The following PIK3CB variants were observed in gnomAD, a reference collection of about 807,000 sequenced individuals.
PIK3CB encodes the protein phosphatidylinositol-4,5-bisphosphate 3-kinase catalytic subunit beta, also known as phosphatidylinositol 4,5-bisphosphate 3-kinase catalytic subunit beta isoform.
Under a neutral mutation model 136.8 loss-of-function variants are expected in PIK3CB, and 39 were observed. The ratio of observed to expected loss-of-function variants is 0.29; its 90% CI spans 0.22 to 0.37. The LOEUF (loss-of-function observed/expected upper bound fraction) is 0.37, where lower values mean the gene tolerates loss of function less well. Among genes scored for constraint, PIK3CB ranks in the 10% least tolerant of loss-of-function variants. The probability of loss-of-function intolerance (pLI) is 1.00; values close to 1 mark genes in which losing one functional copy is unlikely to be tolerated. For missense variants in PIK3CB, 868 were observed against 1,275.4 expected (o/e 0.68, Z 4.87); for synonymous variants, 428 against 436.6 (o/e 0.98, Z 0.25).
intron 4 of PIK3CB, among the ~76,000 whole-genome samples, chr3:138,753,789 G>A (rs2045515944): frequency 6.6e-6 from 1 of 152,136 alleles, no homozygotes; most frequent in Middle Eastern, 3.4e-3. Flanking sequence ...CTAGGTGACA[G>A]AAAGAGACCC....
At chr3:138,788,325 G>T (rs1369932331) in intron 2 of PIK3CB, among the ~76,000 whole-genome samples, 1 of 152,146 alleles carries the variant, frequency 6.6e-6, no homozygotes, top group Non-Finnish European at 1.5e-5. Flanking sequence ...ATTCTTTTAA[G>T]GAAATAAACT....
rs761633397 is a variant in PIK3CB, at chr3:138,694,953, T to C, written c.1771-46A>G. On this transcript the variant is annotated intron_variant, in intron 13 of 23. Coordinates refer to ENST00000674063, the MANE Select transcript of PIK3CB (RefSeq NM_006219.3). ...GTTCAGAAATAATGGGGGACAAAAG[T>C]AATCTAATTTTCCTTGACACACAGG... 2.6e-6 allele frequency: 4 copies of C among 1,556,664 alleles called. No homozygotes were observed. The Admixed American group carries it at 6.1e-5, about 24-fold the overall frequency.
intron 19 of PIK3CB, among the ~76,000 whole-genome samples, chr3:138,679,020 C>T (rs1290164086): frequency 1.3e-5 from 2 of 151,998 alleles, no homozygotes; most frequent in Non-Finnish European, 2.9e-5. Flanking sequence ...GAGCTGAGAT[C>T]CTGCCACTAC....
intron 3 of PIK3CB, among the ~76,000 whole-genome samples, 169 bp from the exon 4 acceptor site, chr3:138,756,148 G>T (rs1468406678): frequency 6.6e-6 from 1 of 151,962 alleles, no homozygotes; most frequent in Non-Finnish European, 1.5e-5. Flanking sequence ...ACAGAATGGT[G>T]AAAATAATAG....
intron 12 of PIK3CB, among the ~76,000 whole-genome samples, chr3:138,701,007 C>T (rs948762393): frequency 3.9e-5 from 6 of 152,086 alleles, no homozygotes; most frequent in African/African-American, 1.2e-4. Context: ...CAAGGGATAA[C>T]AGTTAACTTC....
chr3:138,823,792 A>G (rs970944489), intron 1 of PIK3CB, among the ~76,000 whole-genome samples: 1 of 152,242 alleles, frequency 6.6e-6, no homozygotes, highest in Non-Finnish European at 1.5e-5. Context: ...AAATCGGGTT[A>G]TAATTCTGAT....
At chr3:138,822,474 G>T (rs1409698800) in intron 1 of PIK3CB, among the ~76,000 whole-genome samples, 1 of 151,720 alleles carries the variant, frequency 6.6e-6, no homozygotes, top group Non-Finnish European at 1.5e-5. Flanking sequence ...TGGAACCTGG[G>T]AGGTTCAGCC....
chr3:138,757,623 GGA>G (rs1370996173), intron 3 of PIK3CB, among the ~76,000 whole-genome samples: 2 of 146,526 alleles, frequency 1.4e-5, no homozygotes, highest in African/African-American at 5.1e-5. Context: ...AGGGAGGGAG[GGA>G]GAGAGGGGAG....
At chr3:138,689,428 G>C (rs1413380827) in intron 15 of PIK3CB, among the ~76,000 whole-genome samples, 1 of 152,190 alleles carries the variant, frequency 6.6e-6, no homozygotes, top group Non-Finnish European at 1.5e-5. Context: ...CGAGTAGCTG[G>C]GATTATAGGC....
chr3:138,800,191 A>G (rs1038811478), intron 1 of PIK3CB, among the ~76,000 whole-genome samples: 1 of 152,206 alleles, frequency 6.6e-6, no homozygotes, highest in Non-Finnish European at 1.5e-5. Flanking sequence ...TCTCACAGTT[A>G]AGATAGCAAC....
intron 1 of PIK3CB, among the ~76,000 whole-genome samples, chr3:138,802,389 A>T (rs1413695738): frequency 6.6e-6 from 1 of 151,742 alleles, no homozygotes; most frequent in Non-Finnish European, 1.5e-5. Context: ...AAAAAAAGAA[A>T]GAAAGAAAGA....
intron 1 of PIK3CB, among the ~76,000 whole-genome samples, chr3:138,828,520 C>T (rs1261773111): frequency 1.3e-5 from 2 of 151,978 alleles, no homozygotes; most frequent in Non-Finnish European, 2.9e-5. Context: ...GTTCTGGTTC[C>T]TGAAAATACT....
intron 1 of PIK3CB, among the ~76,000 whole-genome samples, chr3:138,801,446 A>G (rs1379229198): frequency 6.6e-6 from 1 of 152,182 alleles, no homozygotes; most frequent in Non-Finnish European, 1.5e-5. Flanking sequence ...GAAAACAGTC[A>G]CAGGGCAGGT....
At chr3:138,817,949 C>T (rs1933405998) in intron 1 of PIK3CB, among the ~76,000 whole-genome samples, 1 of 151,960 alleles carries the variant, frequency 6.6e-6, no homozygotes, top group Non-Finnish European at 1.5e-5. Flanking sequence ...GAATGAGATC[C>T]CATCTCTAAT....
chr3:138,775,440 C>A (rs1022793122), intron 2 of PIK3CB, among the ~76,000 whole-genome samples: 2 of 152,104 alleles, frequency 1.3e-5, no homozygotes, highest in Admixed American at 1.3e-4. Context: ...GAGAGACTAG[C>A]GGAGGCATGT....
intron 20 of PIK3CB, among the ~76,000 whole-genome samples, chr3:138,664,356 G>A (rs1277561597): frequency 6.6e-6 from 1 of 152,082 alleles, no homozygotes; most frequent in East Asian, 1.9e-4. Flanking sequence ...GCTAGGGGTT[G>A]GGCACATTTT....
At position 138,785,693 on chromosome 3, in the gene PIK3CB, C is replaced by CAGGG. The variant is rs2045974799; in HGVS notation, c.-17+10766_-17+10769dup. On this transcript the variant is annotated intron_variant, in intron 2 of 23. Coordinates refer to ENST00000674063, the MANE Select transcript of PIK3CB (RefSeq NM_006219.3). Reference sequence around the variant, plus strand: ...CGCAAACGCTGCGGAAGGAAGCAGGCAGGGCCCTCTGCCTAGGAAAACCAG... The same window carrying CAGGG: ...CGCAAACGCTGCGGAAGGAAGCAGGCAGGGAGGGCCCTCTGCCTAGGAAAACCAG... Among the ~76,000 whole-genome samples the CAGGG allele has an allele frequency of 2.6e-5, 4 of 152,180 alleles. No homozygotes were observed. The South Asian group carries it at 8.3e-4, about 32-fold the overall frequency.
At chr3:138,770,077 T>C (rs2045781318) in intron 2 of PIK3CB, 1 of 152,224 alleles carries the variant, frequency 6.6e-6, no homozygotes, top group Non-Finnish European at 1.5e-5. Context: ...CTCAGTCTTG[T>C]ATCATTCTTC....
chr3:138,778,171 GA>G, intron 2 of PIK3CB: 1 of 451,372 alleles, frequency 2.2e-6, no homozygotes, highest in Non-Finnish European at 4.4e-6. Flanking sequence ...AGGAGAAACC[GA>G]AAGGGTCATC....
Sources: allele counts gnomAD v4.1 joint callset (sites outside exome capture counted in the v4.1 genomes callset), GRCh38; gene constraint gnomAD v4.1.1; transcripts MANE v1.5; gene names NCBI Gene and HGNC (gene_info 2026-07-23, HGNC 2026-07-21).